Variants in KNL1 observed in about 807,000 individuals in gnomAD.
KNL1 encodes the protein outer kinetochore KNL1 complex subunit KNL1.
In KNL1, 66 loss-of-function variants were observed where a neutral mutation model predicts 201.3. The ratio of observed to expected loss-of-function variants is 0.33; its 90% CI spans 0.27 to 0.40. The LOEUF is 0.40. Among genes scored for constraint, KNL1 ranks in the 10% least tolerant of loss-of-function variants. The pLI, the probability that KNL1 is intolerant of heterozygous loss-of-function variation, is 1.00. For missense variants in KNL1, 2,815 were observed against 2,690.5 expected (o/e 1.05, Z -1.02); for synonymous variants, 895 against 899.2 (o/e 1.00, Z 0.08).
chr15:40,650,461 AG>A (rs1175890771), intron 18 of KNL1, 82 bp from the exon 19 acceptor site: 2 of 1,565,996 alleles, frequency 1.3e-6, no homozygotes, highest in Non-Finnish European at 1.7e-6. Context: ...GGTGAGATTA[AG>A]TCAGAATTTT....
intron 5 of KNL1, among the ~76,000 whole-genome samples, chr15:40,609,216 C>G (rs1439863956): frequency 7.5e-6 from 1 of 133,808 alleles, no homozygotes; most frequent in Non-Finnish European, 1.5e-5. Flanking sequence ...GAGACTAGCC[C>G]AAGCAACTTA....
intron 10 of KNL1, 66 bp downstream of exon 10, chr15:40,625,706 TG>T (rs1161364693): frequency 1.6e-6 from 2 of 1,261,658 alleles, no homozygotes; most frequent in Non-Finnish European, 1.1e-6. Flanking sequence ...TCTTAAATTG[TG>T]GGTATTCTCA....
rs115207421 is a variant in KNL1, at chr15:40,646,920, A to G, written c.6007-67A>G. The G allele has an allele frequency of 9.2e-4, 644 of 696,478 alleles. 2 individuals carry two copies. The African/African-American group carries it at 0.011, about 12-fold the overall frequency. 43.1% of individuals were successfully genotyped at this position (696,478 alleles called of 1,614,324 possible). On this transcript the variant is annotated intron_variant, in intron 16 of 25. Coordinates refer to ENST00000399668, the MANE Select transcript of KNL1 (RefSeq NM_144508.5). ...ATCATGATAGAGCGATTATGTGAGC[A>G]GTTTGAACCATTTATAATATTTTCT...
rs1893991810 is a variant in KNL1, at chr15:40,664,206, G to A, written c.*2018G>A. On this transcript the variant is annotated 3_prime_UTR_variant, in exon 26 of 26. Coordinates refer to ENST00000399668, the MANE Select transcript of KNL1 (RefSeq NM_144508.5). Reference sequence around the variant, plus strand: ...TTTTTTGGGTTTGGAGTACACAATTGTAATATTTACTTAGTTATTTGTGTT... The same window carrying A: ...TTTTTTGGGTTTGGAGTACACAATTATAATATTTACTTAGTTATTTGTGTT... 5.5e-6 allele frequency: 1 copy of A among 180,752 alleles called. No homozygotes were observed. The highest frequency in any genetic ancestry group is 2.4e-5 in the African/African-American group (1 of 42,384). The allele number at this position is 180,752 out of a possible 1,614,324, so 11.2% of individuals were successfully genotyped here. A position where few individuals can be genotyped will look rare whatever the true frequency, so the allele number is the denominator to read the frequency against.
chr15:40,615,297 A>C (rs1892301552), intron 7 of KNL1, 44 bp from the exon 8 acceptor site: 1 of 555,314 alleles, frequency 1.8e-6, no homozygotes, highest in South Asian at 1.9e-5. Context: ...GATTCTTGGT[A>C]ATTGTTTGGG....
chr15:40,608,835 C>A lies in KNL1; in HGVS notation c.136-12C>A, dbSNP rs1232947758. On this transcript the variant is annotated splice_polypyrimidine_tract_variant and intron_variant, in intron 4 of 25. Coordinates refer to ENST00000399668, the MANE Select transcript of KNL1 (RefSeq NM_144508.5). Reference sequence around the variant, plus strand: ...TTTATTAAGAATTATACCATATATTCTCTGCCCTTAGGAATCCAATGCTTT... The same window carrying A: ...TTTATTAAGAATTATACCATATATTATCTGCCCTTAGGAATCCAATGCTTT... 6.3e-7 allele frequency: 1 copy of A among 1,584,736 alleles called. No homozygotes were observed.
At chr15:40,650,239 A>T (rs1035557167) in intron 17 of KNL1, 62 bp from the exon 18 acceptor site, 1 of 1,033,522 alleles carries the variant, frequency 9.7e-7, no homozygotes, top group African/African-American at 1.6e-5. Context: ...TTTTTTCCTT[A>T]CTTTGTTTTC....
intron 7 of KNL1, among the ~76,000 whole-genome samples, chr15:40,612,427 G>A (rs1196704831): frequency 6.6e-6 from 1 of 152,090 alleles, no homozygotes; most frequent in African/African-American, 2.4e-5. Flanking sequence ...GGGAGGCGGA[G>A]GTTGCAGTGA....
intron 3 of KNL1, among the ~76,000 whole-genome samples, chr15:40,605,507 AG>A (rs1891943083): frequency 6.6e-6 from 1 of 152,202 alleles, no homozygotes; most frequent in Non-Finnish European, 1.5e-5. Flanking sequence ...GCTGGAGCGC[AG>A]TGGTGTGATC....
Position 40,622,845 on chromosome 15 carries a change from A to C in KNL1, c.2581A>C (p.Thr861Pro). The part of the protein sequence containing the change: ...KSVGGPKIDK[T>P]IVFSEDDKND... ...TGTTGGTGGACCAAAAATTGATAAG[A>C]CTATTGTATTTTCAGAAGACGATAA... The change falls in exon 10 of 26, where the codon ACT becomes CCT. Residue 861 changes from threonine (T) to proline (P), a missense_variant. By Grantham distance (38) the Thr-to-Pro change is conservative. Transcript: ENST00000399668. The C allele has an allele frequency of 6.2e-7, 1 of 1,613,702 alleles. No homozygotes were observed. Among genetic ancestry groups the C allele is most frequent in the East Asian group, 2.2e-5 (1 of 44,878 alleles).
chr15:40,631,128 A>G (rs941765783), intron 13 of KNL1, among the ~76,000 whole-genome samples: 2 of 151,018 alleles, frequency 1.3e-5, no homozygotes, highest in African/African-American at 4.9e-5. Context: ...AAAAAATAAA[A>G]ATAAAAATAA....
At chr15:40,630,201 C>T (rs191299620) in intron 13 of KNL1, among the ~76,000 whole-genome samples, 64 of 152,246 alleles carry the variant, frequency 4.2e-4, no homozygotes, top group Admixed American at 7.2e-4. Flanking sequence ...ATACAATCAA[C>T]GCTTTCAATT....
chr15:40,609,244 CAA>C (rs35081212), intron 5 of KNL1, among the ~76,000 whole-genome samples: 13 of 52,082 alleles, frequency 2.5e-4, no homozygotes, highest in Admixed American at 2.1e-4. Flanking sequence ...CCCATCTCTA[CAA>C]AAAAAAAAAA....
Position 40,621,567 on chromosome 15 carries a change from G to A in KNL1, c.1303G>A (p.Asp435Asn). Residue 435 changes from aspartate (D) to asparagine (N), a missense_variant, in exon 10 of 26, where the codon GAT becomes AAT. Coordinates refer to ENST00000399668, the MANE Select transcript of KNL1 (RefSeq NM_144508.5). Reference sequence around the variant, plus strand: ...GACTGTTTTCTATTCTAGTTGTAATGATGCCATGGAAATGACCAAATGTCT... The same window carrying A: ...GACTGTTTTCTATTCTAGTTGTAATAATGCCATGGAAATGACCAAATGTCT... ...CKTVFYSSCN[D>N]AMEMTKCLSN... 6.2e-7 allele frequency: 1 copy of A among 1,610,256 alleles called. No individual in the cohort carries two copies. The highest frequency in any genetic ancestry group is 8.5e-7 in the Non-Finnish European group (1 of 1,178,122).
chr15:40,622,371 T>C lies in KNL1; in HGVS notation c.2107T>C (p.Phe703Leu), dbSNP rs1409965505. The C allele has an allele frequency of 6.8e-6, 11 of 1,613,880 alleles. No homozygotes were observed. Among genetic ancestry groups the C allele is most frequent in the Non-Finnish European group, 9.3e-6 (11 of 1,179,916 alleles). Reference protein sequence around the residue: ...QSLFSTTKPLFSSGQFSMKNH... With the variant: ...QSLFSTTKPLLSSGQFSMKNH... ...TTTGTTTTCTACCACAAAGCCATTA[T>C]TTTCATCAGGACAGTTCTCTATGAA... is the stretch of plus-strand genomic sequence containing the variant. Residue 703 changes from phenylalanine to leucine, a missense_variant, in exon 10 of 26, where the codon TTT (phenylalanine) becomes CTT (leucine). Physicochemically the swap from Phe to Leu is conservative, Grantham distance 22. Coordinates refer to ENST00000399668, the MANE Select transcript of KNL1 (RefSeq NM_144508.5).
At chr15:40,620,264 G>C (rs1892474593) in intron 9 of KNL1, among the ~76,000 whole-genome samples, 1 of 150,866 alleles carries the variant, frequency 6.6e-6, no homozygotes, top group Admixed American at 6.6e-5. Flanking sequence ...CCCAGGCAGT[G>C]GTGCAATCTC....
rs781560747 is a variant in KNL1, at chr15:40,652,071, G to A, written c.6381G>A (p.Thr2127=). ...CTGTATTCACCTTTGTTTATGACAC[G>A]ATACAACTCACCATCACCTTTGAAG... ...DQAVFTFVYD[T]IQLTITFEES... The change falls in exon 21 of 26, where the codon ACG becomes ACA. Residue 2127 remains threonine, a synonymous_variant. Transcript: ENST00000399668. 105 of 1,613,450 alleles carry A rather than the reference G, an allele frequency of 6.5e-5. No homozygotes were observed. The Admixed American group carries it at 1.6e-3, about 24-fold the overall frequency.
chr15:40,650,659 C>A, intron 19 of KNL1, 76 bp downstream of exon 19: 1 of 1,333,600 alleles, frequency 7.5e-7, no homozygotes, highest in East Asian at 2.6e-5. Context: ...CCTCCAGAGA[C>A]TGACAGGATT....
At chr15:40,659,208 T>C in intron 24 of KNL1, 131 bp from the exon 25 acceptor site, 1 of 581,344 alleles carries the variant, frequency 1.7e-6, no homozygotes, top group East Asian at 4.0e-5. Context: ...GAGGTTGCAG[T>C]GAGCCGAAAT....
Sources: allele counts gnomAD v4.1 joint callset (sites outside exome capture counted in the v4.1 genomes callset), GRCh38; gene constraint gnomAD v4.1.1; transcripts MANE v1.5; gene names NCBI Gene and HGNC (gene_info 2026-07-23, HGNC 2026-07-21).